Variants in TTC34 observed in about 807,000 individuals in gnomAD.
TTC34 encodes the protein tetratricopeptide repeat protein 34.
A neutral mutation model predicts 40.7 loss-of-function variants in TTC34; 44 were observed. The ratio of observed to expected loss-of-function variants is 1.08; its 90% CI spans 0.85 to 1.39. The LOEUF is 1.39. TTC34 is among the 40% of genes most tolerant of loss of function. The pLI is 0.00. For missense variants in TTC34, 884 were observed against 838.0 expected (o/e 1.05, Z -0.68); for synonymous variants, 422 against 398.6 (o/e 1.06, Z -0.70).
chr1:2,753,538 C>CTCAGGTGAG (rs1641397154), intron 6 of TTC34, among the ~76,000 whole-genome samples: 1 of 94,784 alleles, frequency 1.1e-5, no homozygotes, highest in Non-Finnish European at 1.9e-5. Flanking sequence ...CACCCACACC[C>CTCAGGTGAG]CCATGTGAGC....
chr1:2,768,125 C>T (rs538000482), intron 6 of TTC34, among the ~76,000 whole-genome samples: 1 of 151,484 alleles, frequency 6.6e-6, no homozygotes, highest in Non-Finnish European at 1.5e-5. Flanking sequence ...GGCACCTGCA[C>T]ACTTAGGTAA....
In TTC34 at chr1:2,641,953, C is replaced by A. The variant is rs988540186; in HGVS notation, c.2713-58G>T. On this transcript the variant is annotated intron_variant, in intron 8 of 8. Coordinates refer to ENST00000401095, the Ensembl canonical transcript of TTC34. ...GTGGGGTCAGCCCCAAAAGCCCGGC[C>A]GCCCCTGCCCTGCAGAGGTCCTCTG... The A allele has an allele frequency of 7.0e-6, 10 of 1,426,488 alleles. No homozygotes were observed. In the African/African-American group the frequency reaches 1.3e-4, roughly 19 times the overall value. 88.4% of individuals were successfully genotyped at this position (1,426,488 alleles called of 1,614,324 possible). A position where few individuals can be genotyped will look rare whatever the true frequency, so the allele number is the denominator to read the frequency against.
chr1:2,789,496 T>C lies in TTC34; in HGVS notation c.1628+7A>G. The C allele has an allele frequency of 6.6e-7, 1 of 1,506,152 alleles. No homozygotes were observed. Among genetic ancestry groups the C allele is most frequent in the Non-Finnish European group, 8.8e-7 (1 of 1,131,394 alleles). The allele number at this position is 1,506,152 out of a possible 1,614,324, so 93.3% of individuals were successfully genotyped here. On this transcript the variant is annotated splice_region_variant and intron_variant, in intron 3 of 8. Transcript: ENST00000401095. ...AGCGGCCCCAGCGTGCCCGGGCGGG[T>C]CCTCACCCCTCCTGCGTGGTGGGGC...
At chr1:2,771,824 GC>G (rs1642230861) in intron 6 of TTC34, among the ~76,000 whole-genome samples, 1 of 88,204 alleles carries the variant, frequency 1.1e-5, no homozygotes, top group East Asian at 3.5e-4. Flanking sequence ...GCATCTGACA[GC>G]CTGGAGCAGC....
chr1:2,671,821 G>C (rs1639711374), intron 6 of TTC34, among the ~76,000 whole-genome samples: 1 of 152,146 alleles, frequency 6.6e-6, no homozygotes, highest in Non-Finnish European at 1.5e-5. Context: ...TCCCGGAGCA[G>C]CACCAGTACC....
At position 2,700,118 on chromosome 1, in the gene TTC34, G is replaced by C. The variant is rs975449426; in HGVS notation, c.2227-54555C>G. Reference sequence around the variant, plus strand: ...TCCCAGGTGAGCATCCGAGAGCCTGGAGCAGCATCCTCACCCCAGGTGAGC... The same window carrying C: ...TCCCAGGTGAGCATCCGAGAGCCTGCAGCAGCATCCTCACCCCAGGTGAGC... On this transcript the variant is annotated intron_variant, in intron 6 of 8. Coordinates refer to ENST00000401095, the Ensembl canonical transcript of TTC34. Among the ~76,000 whole-genome samples the C allele has an allele frequency of 3.3e-5, 4 of 120,266 alleles. 1 individual carries two copies. The highest frequency in any genetic ancestry group is 2.5e-4 in the East Asian group (1 of 3,924). The allele number at this position is 120,266 out of a possible 152,430, so 78.9% of individuals were successfully genotyped here.
chr1:2,673,445 A>C (rs1203251718), intron 6 of TTC34, among the ~76,000 whole-genome samples: 2 of 80,522 alleles, frequency 2.5e-5, no homozygotes, highest in African/African-American at 8.8e-5. Flanking sequence ...CCCACAGGTG[A>C]GCATCTGACA....
chr1:2,675,010 A>G (rs1476398680), intron 6 of TTC34, among the ~76,000 whole-genome samples: 1 of 119,420 alleles, frequency 8.4e-6, no homozygotes, highest in African/African-American at 2.9e-5. Context: ...CACCCAGGTG[A>G]GCATCTGATG....
intron 6 of TTC34, among the ~76,000 whole-genome samples, chr1:2,687,969 C>A (rs537447821): frequency 3.2e-4 from 47 of 144,800 alleles, no homozygotes; most frequent in Middle Eastern, 7.2e-3. Context: ...ACGCGCACCC[C>A]CAGGAGAGCA....
At chr1:2,795,066 G>A (rs11810740) in intron 2 of TTC34, among the ~76,000 whole-genome samples, 14,269 of 149,238 alleles carry the variant, frequency 0.096, 761 homozygotes, top group Middle Eastern at 0.11. Flanking sequence ...CCTGGGCAAC[G>A]TGGTGAGACC....
intron 6 of TTC34, among the ~76,000 whole-genome samples, chr1:2,683,816 C>A (rs1211685424): frequency 6.9e-6 from 1 of 145,654 alleles, no homozygotes; most frequent in Non-Finnish European, 1.5e-5. Context: ...ATCTGACAGC[C>A]GGGAACAGCA....
chr1:2,749,053 A>T (rs1354272905), intron 6 of TTC34, among the ~76,000 whole-genome samples: 10 of 39,762 alleles, frequency 2.5e-4, no homozygotes, highest in South Asian at 2.4e-3. Flanking sequence ...CCCAGGTGAG[A>T]ATCCGACAGC....
At chr1:2,768,489 A>T (rs1466488841) in intron 6 of TTC34, among the ~76,000 whole-genome samples, 6 of 149,774 alleles carry the variant, frequency 4.0e-5, no homozygotes, top group African/African-American at 1.2e-4. Flanking sequence ...AGTGGGGAAA[A>T]GCTCCCCGCC....
chr1:2,778,772 CTTAA>C (rs782506771), intron 6 of TTC34, among the ~76,000 whole-genome samples: 152,016 of 152,308 alleles, frequency 1, 75,862 homozygotes, highest in Middle Eastern at 1. Context: ...AATTTACCAT[CTTAA>C]TTAATTATCT....
intron 6 of TTC34, among the ~76,000 whole-genome samples, chr1:2,676,967 AC>A (rs1639927215): frequency 7.3e-6 from 1 of 136,254 alleles, no homozygotes; most frequent in Admixed American, 7.1e-5. Context: ...AGCACCCTGC[AC>A]CCCCAGGTGA....
intron 6 of TTC34, among the ~76,000 whole-genome samples, chr1:2,782,477 C>G (rs984351103): frequency 6.6e-6 from 1 of 150,856 alleles, no homozygotes; most frequent in Non-Finnish European, 1.5e-5. Context: ...CTTCTCTATC[C>G]TATGTTTTAT....
At chr1:2,641,617 T>G (rs768989524) in exon 9 of TTC34, 1 of 1,534,414 alleles carries the variant, frequency 6.5e-7, no homozygotes, top group South Asian at 1.2e-5. Context: ...CAAAGGCCCC[T>G]GCGGCCGCCG....
chr1:2,698,754 A>G (rs200514034), intron 6 of TTC34, among the ~76,000 whole-genome samples: 1 of 48,314 alleles, frequency 2.1e-5, no homozygotes, highest in South Asian at 1.1e-3. Context: ...GACAGCCTGG[A>G]GCAGGACCCA....
intron 6 of TTC34, among the ~76,000 whole-genome samples, chr1:2,686,022 C>T (rs1229257798): frequency 1.5e-5 from 2 of 129,626 alleles, no homozygotes; most frequent in East Asian, 4.8e-4. Flanking sequence ...ATCTGACAGC[C>T]TGGAACAGCA....
Sources: allele counts gnomAD v4.1 joint callset (sites outside exome capture counted in the v4.1 genomes callset), GRCh38; gene constraint gnomAD v4.1.1; transcripts MANE v1.5; gene names NCBI Gene and HGNC (gene_info 2026-07-23, HGNC 2026-07-21).